DNAH10: variants seen among roughly 807,000 people sequenced by gnomAD.
The protein encoded by DNAH10 is dynein axonemal heavy chain 10.
In DNAH10, 348 loss-of-function variants were observed where a neutral mutation model predicts 506.6. The observed-to-expected ratio is 0.69, with a 90% CI of 0.63 to 0.75. The LOEUF (loss-of-function observed/expected upper bound fraction) is 0.75, where lower values mean the gene tolerates loss of function less well. Ranked by LOEUF, DNAH10 falls within the 30% of genes least tolerant of loss-of-function variation. The pLI, the probability that DNAH10 is intolerant of heterozygous loss-of-function variation, is 0.00. For missense variants in DNAH10, 5,179 were observed against 5,787.1 expected (o/e 0.89, Z 3.41); for synonymous variants, 2,059 against 2,198.6 (o/e 0.94, Z 1.78).
chr12:123,924,664 A>G (rs541790557), intron 67 of DNAH10, among the ~76,000 whole-genome samples: 1 of 149,062 alleles, frequency 6.7e-6, no homozygotes, highest in East Asian at 2.0e-4. Flanking sequence ...CCACCTACCC[A>G]CCCACCCATC....
At chr12:123,897,993 A>T in intron 55 of DNAH10, 26 bp downstream of exon 55, 1 of 1,529,348 alleles carries the variant, frequency 6.5e-7, no homozygotes, top group Non-Finnish European at 8.7e-7. Flanking sequence ...GGGGTGGTTG[A>T]CAAAAGTCAT....
chr12:123,870,506 T>C, intron 44 of DNAH10, 21 bp downstream of exon 44: 1 of 1,609,642 alleles, frequency 6.2e-7, no homozygotes, highest in Non-Finnish European at 8.5e-7. Flanking sequence ...GTCAAATCCT[T>C]GTTCCTGGGT....
In DNAH10 at chr12:123,788,009, G is replaced by T. The variant is rs759048360; in HGVS notation, c.1620+7G>T. The T allele has an allele frequency of 5.3e-5, 83 of 1,558,936 alleles. No homozygotes were observed. The highest frequency in any genetic ancestry group is 7.2e-5 in the Non-Finnish European group (83 of 1,150,792). On this transcript the variant is annotated splice_region_variant and intron_variant, in intron 10 of 78. Transcript: ENST00000673944. Reference sequence around the variant, plus strand: ...CCTCTCCGACGTTCTGCAGGTAGGGGCTGGGCGAAGGCCGGCGGAATTTGC... The same window carrying T: ...CCTCTCCGACGTTCTGCAGGTAGGGTCTGGGCGAAGGCCGGCGGAATTTGC...
intron 67 of DNAH10, 93 bp from the exon 68 acceptor site, chr12:123,924,957 C>A (rs113966570): frequency 2.0e-6 from 3 of 1,527,930 alleles, no homozygotes; most frequent in African/African-American, 2.7e-5. Flanking sequence ...GGATTCTCGT[C>A]CCTTTCCAGT....
At chr12:123,931,875 C>A in intron 75 of DNAH10, 28 bp downstream of exon 75, 3 of 1,612,978 alleles carry the variant, frequency 1.9e-6, no homozygotes, top group Non-Finnish European at 2.5e-6. Flanking sequence ...GTGCAGATTA[C>A]TGCCTAGATA....
intron 21 of DNAH10, among the ~76,000 whole-genome samples, 155 bp from the exon 22 acceptor site, chr12:123,818,795 G>A (rs1239397502): frequency 6.6e-6 from 1 of 152,108 alleles, no homozygotes; most frequent in Non-Finnish European, 1.5e-5. Context: ...GCCATGTCTG[G>A]CCTTAATATT....
At chr12:123,829,994 C>A (rs1002770489) in intron 25 of DNAH10, among the ~76,000 whole-genome samples, 1 of 152,146 alleles carries the variant, frequency 6.6e-6, no homozygotes, top group Admixed American at 6.6e-5. Flanking sequence ...TGGCACACTG[C>A]AGTTTTCTCA....
intron 18 of DNAH10, among the ~76,000 whole-genome samples, chr12:123,805,920 G>A (rs536774342): frequency 6.6e-6 from 1 of 151,918 alleles, no homozygotes; most frequent in Non-Finnish European, 1.5e-5. Flanking sequence ...GGGACTACAG[G>A]CGCCCACCAC....
intron 12 of DNAH10, among the ~76,000 whole-genome samples, chr12:123,796,050 G>A (rs148381593): frequency 6.6e-6 from 1 of 152,258 alleles, no homozygotes; most frequent in Admixed American, 6.5e-5. Flanking sequence ...GTCTGCCACT[G>A]TGGTCATGTC....
Position 123,903,250 on chromosome 12 carries a change from A to C in DNAH10, c.9815+137A>C. 1 of 1,219,508 alleles carries C rather than the reference A, an allele frequency of 8.2e-7. No individual in the cohort carries two copies. Among genetic ancestry groups the C allele is most frequent in the Non-Finnish European group, 1.1e-6 (1 of 906,404 alleles). The allele number at this position is 1,219,508 out of a possible 1,614,324, so 75.5% of individuals were successfully genotyped here. A position where few individuals can be genotyped will look rare whatever the true frequency, so the allele number is the denominator to read the frequency against. On this transcript the variant is annotated intron_variant, in intron 57 of 78. Coordinates refer to ENST00000673944, the MANE Select transcript of DNAH10 (RefSeq NM_001372106.1). The surrounding 1 kb of genome is among the most constrained non-coding windows in gnomAD (Gnocchi z 4.6). ...CTGTGCCTGGCTCTCTCCATGGTGG[A>C]GACTGTTGTTGCCCTCATTTTCGGA...
intron 16 of DNAH10, among the ~76,000 whole-genome samples, chr12:123,802,762 G>A (rs1958523339): frequency 6.8e-6 from 1 of 147,416 alleles, no homozygotes; most frequent in Non-Finnish European, 1.5e-5. Context: ...TTGGCCATCT[G>A]ATAGCTGTGT....
At position 123,931,626 on chromosome 12, in the gene DNAH10, C is replaced by G. The variant is rs1955211664; in HGVS notation, c.12917-10C>G. On this transcript the variant is annotated splice_polypyrimidine_tract_variant and intron_variant, in intron 74 of 78. Transcript: ENST00000673944. ...TGCCTTGCTTTCTCTGAAAAGTGTC[C>G]TGGTTTTAGGGGAATCCAGCAGTGG... 2.5e-6 allele frequency: 4 copies of G among 1,613,042 alleles called. No homozygotes were observed. The East Asian group carries it at 8.9e-5, about 36-fold the overall frequency.
intron 44 of DNAH10, among the ~76,000 whole-genome samples, chr12:123,871,117 C>T (rs944998166): frequency 2.0e-5 from 3 of 152,132 alleles, no homozygotes; most frequent in South Asian, 2.1e-4. Context: ...ACTGTCTCTT[C>T]GGAGGAAGGT....
rs575427674 is a variant in DNAH10 at position 123,853,847 on chromosome 12, G to C, written c.6438+495G>C. 2.2e-5 allele frequency among the ~76,000 whole-genome samples: 3 copies of C among 135,874 alleles called. No individual in the cohort carries two copies. In the East Asian group the frequency reaches 6.4e-4, roughly 29 times the overall value. 89.1% of individuals were successfully genotyped at this position (135,874 alleles called of 152,430 possible). A position where few individuals can be genotyped will look rare whatever the true frequency, so the allele number is the denominator to read the frequency against. ...GCACGCACACACACGCACACGCACGGACACACGCACGCGCACACACACACG... is the reference window on the plus strand; with the variant it reads ...GCACGCACACACACGCACACGCACGCACACACGCACGCGCACACACACACG... On this transcript the variant is annotated intron_variant, in intron 36 of 78. Coordinates refer to ENST00000673944, the MANE Select transcript of DNAH10 (RefSeq NM_001372106.1). This position sits in a 1 kb window ranked among gnomAD's most constrained non-coding sequence, Gnocchi z 4.7.
intron 18 of DNAH10, among the ~76,000 whole-genome samples, chr12:123,805,822 G>T (rs1958651941): frequency 6.7e-6 from 1 of 149,772 alleles, no homozygotes; most frequent in African/African-American, 2.5e-5. Context: ...TGTCGCCCAG[G>T]TTGGAGTGCA....
chr12:123,865,938 T>G lies in DNAH10; in HGVS notation c.7045-13T>G. On this transcript the variant is annotated splice_polypyrimidine_tract_variant and intron_variant, in intron 40 of 78. Coordinates refer to ENST00000673944, the MANE Select transcript of DNAH10 (RefSeq NM_001372106.1). ...ATAGCTATAGCCATGATTGATTTTC[T>G]TTATTTATCCAGGTTGGAGATTTAC... 6.3e-7 allele frequency: 1 copy of G among 1,594,750 alleles called. No homozygotes were observed. The highest frequency in any genetic ancestry group is 8.5e-7 in the Non-Finnish European group (1 of 1,173,846).
Position 123,806,659 on chromosome 12 carries a change from G to T in DNAH10, c.2987+1619G>T, listed in dbSNP as rs1010305308. 1.5e-4 allele frequency among the ~76,000 whole-genome samples: 22 copies of T among 151,684 alleles called. 1 individual carries two copies. In the South Asian group the frequency reaches 4.6e-3, roughly 32 times the overall value. ...CTAAGTTGATCCTTTAAATAACTCT[G>T]TTTTCTGTGTATTTCATTTATTCTC... On this transcript the variant is annotated intron_variant, in intron 18 of 78. Coordinates refer to ENST00000673944, the MANE Select transcript of DNAH10 (RefSeq NM_001372106.1).
At position 123,897,888 on chromosome 12, in the gene DNAH10, C is replaced by T. The variant is rs762237848; in HGVS notation, c.9399C>T (p.Asn3133=). ...QQFLQKLRRS[N]YVTPKNYLDF... is the part of the protein sequence containing the mutation. ...TTCTACAGAAATTGAGGCGCAGCAA[C>T]TATGTCACTCCCAAGAACTACCTTG... is the stretch of plus-strand genomic sequence containing the variant. The change falls in exon 55 of 79, where the codon AAC becomes AAT. Residue 3133 remains asparagine (N), a synonymous_variant. Transcript: ENST00000673944. The T allele has an allele frequency of 1.2e-6, 2 of 1,611,170 alleles. No homozygotes were observed. Among genetic ancestry groups the T allele is most frequent in the Admixed American group, 1.7e-5 (1 of 59,240 alleles).
In DNAH10 at chr12:123,918,707, C is replaced by T; in HGVS notation, c.11264C>T (p.Thr3755Ile). The change falls in exon 65 of 79, where the codon ACA becomes ATA. Residue 3755 changes from threonine (T) to isoleucine (I), a missense_variant. Around this residue, in one of 3 missense-constraint regions of DNAH10, gnomAD observed 4,844 missense variants for 5,430.5 expected, o/e 0.89. Coordinates refer to ENST00000673944, the MANE Select transcript of DNAH10 (RefSeq NM_001372106.1). ...GAGAAACTCAAGCTGGCGGAGAAGA[C>T]AGCCTTGGACATCGACAGGCTGCGG... ...VSEKLKLAEK[T>I]ALDIDRLRDG... The T allele has an allele frequency of 6.4e-7, 1 of 1,572,960 alleles. No homozygotes were observed. Among genetic ancestry groups the T allele is most frequent in the Non-Finnish European group, 8.7e-7 (1 of 1,155,702 alleles).
Sources: allele counts gnomAD v4.1 joint callset (sites outside exome capture counted in the v4.1 genomes callset), GRCh38; gene constraint gnomAD v4.1.1; regional missense constraint gnomAD v4.1.1; non-coding constraint Gnocchi (gnomAD v3.1); transcripts MANE v1.5; gene names NCBI Gene and HGNC (gene_info 2026-07-23, HGNC 2026-07-21).